The following ABCA4 variants were observed in gnomAD, a reference collection of about 807,000 sequenced individuals.
ABCA4 encodes the protein ATP binding cassette subfamily A member 4, also known as retinal-specific phospholipid-transporting ATPase ABCA4.
Under a neutral mutation model 263.7 loss-of-function variants are expected in ABCA4, and 196 were observed. The ratio of observed to expected loss-of-function variants is 0.74; its 90% CI spans 0.66 to 0.84. The LOEUF (loss-of-function observed/expected upper bound fraction) is 0.84. Ranked by LOEUF, ABCA4 falls within the 40% of genes least tolerant of loss-of-function variation. The probability of loss-of-function intolerance (pLI) is 0.00; values close to 1 mark genes in which losing one functional copy is unlikely to be tolerated. For missense variants in ABCA4, 2,792 were observed against 2,855.1 expected (o/e 0.98, Z 0.50); for synonymous variants, 1,133 against 1,094.2 (o/e 1.04, Z -0.70).
Position 94,001,895 on chromosome 1 carries a change from G to C in ABCA4, c.6245C>G (p.Ala2082Gly). The C allele has an allele frequency of 6.2e-7, 1 of 1,614,226 alleles. No homozygotes were observed. The highest frequency in any genetic ancestry group is 8.5e-7 in the Non-Finnish European group (1 of 1,180,048). Residue 2082 changes from alanine (A) to glycine (G), a missense_variant, in exon 45 of 50, where the codon GCC (alanine) becomes GGC (glycine). Physicochemically the swap from Ala to Gly is moderately conservative, Grantham distance 60. Coordinates refer to ENST00000370225, the MANE Select transcript of ABCA4 (RefSeq NM_000350.3). ...SGGNKRKLST[A>G]IALIGCPPLV... ...CGGTGGGCAGCCAATGAGTGCGATG[G>C]CTGTGGAGAGTTTCCGCTTGTTGCC...
chr1:94,003,926 C>T (rs931205573), intron 44 of ABCA4, among the ~76,000 whole-genome samples: 40 of 152,302 alleles, frequency 2.6e-4, no homozygotes, highest in Non-Finnish European at 5.1e-4. Flanking sequence ...GTGTGAGCCA[C>T]CATGCCCAGC....
At chr1:94,009,959 C>T (rs1245831268) in intron 40 of ABCA4, among the ~76,000 whole-genome samples, 1 of 152,244 alleles carries the variant, frequency 6.6e-6, no homozygotes, top group Non-Finnish European at 1.5e-5. Context: ...CGTGTGTTGA[C>T]ACCTGTGATC....
At chr1:94,107,880 A>C (rs760005516) in intron 4 of ABCA4, among the ~76,000 whole-genome samples, 8 of 152,016 alleles carry the variant, frequency 5.3e-5, no homozygotes, top group Admixed American at 5.2e-4. Context: ...CATGGCACCC[A>C]CTGAGACTTC....
intron 48 of ABCA4, 75 bp downstream of exon 48, chr1:93,997,786 T>C: frequency 6.3e-7 from 1 of 1,596,902 alleles, no homozygotes; most frequent in Non-Finnish European, 8.6e-7. Context: ...GCCTCCCTCT[T>C]ATGGCAATTC....
At chr1:94,016,696 ATAGG>A (rs1659756416) in intron 36 of ABCA4, among the ~76,000 whole-genome samples, 1 of 152,206 alleles carries the variant, frequency 6.6e-6, no homozygotes, top group Admixed American at 6.5e-5. Context: ...TGTTCACTGT[ATAGG>A]TAGATAGAGA....
At chr1:94,118,707 T>C (rs1197070043) in intron 1 of ABCA4, among the ~76,000 whole-genome samples, 1 of 151,898 alleles carries the variant, frequency 6.6e-6, no homozygotes, top group African/African-American at 2.4e-5. Flanking sequence ...CCCTGGGAGG[T>C]GCCCTGGCCA....
chr1:93,997,539 G>A (rs1206768389), intron 48 of ABCA4, among the ~76,000 whole-genome samples: 2 of 150,858 alleles, frequency 1.3e-5, no homozygotes, highest in Non-Finnish European at 2.9e-5. Flanking sequence ...CAAAGAACCT[G>A]TGTTTCATCG....
chr1:94,008,333 A>G, intron 41 of ABCA4, 36 bp from the exon 42 acceptor site: 1 of 1,603,650 alleles, frequency 6.2e-7, no homozygotes, highest in Non-Finnish European at 8.5e-7. Context: ...GAGAACTGAG[A>G]CAGGGTGAGA....
Position 94,024,986 on chromosome 1 carries a change from CA to C in ABCA4, c.4601del (p.Leu1534TrpfsTer2). ...TTATAAGAGCAGGATACGTTTTTAC[CA>C]AGAAGTCGGAGATGTTCCTGTCCGT... ...DLTDRNISDF[L>X]VKTYPALIRS... On this transcript the variant is annotated frameshift_variant, in exon 31 of 50. Coordinates refer to ENST00000370225, the MANE Select transcript of ABCA4 (RefSeq NM_000350.3). LOFTEE classifies it high-confidence loss of function. 5 of 1,614,134 alleles carry C rather than the reference CA, an allele frequency of 3.1e-6. No homozygotes were observed. The highest frequency in any genetic ancestry group is 4.2e-6 in the Non-Finnish European group (5 of 1,180,014).
At chr1:94,112,132 G>A (rs1213516874) in intron 2 of ABCA4, among the ~76,000 whole-genome samples, 1 of 152,174 alleles carries the variant, frequency 6.6e-6, no homozygotes, top group African/African-American at 2.4e-5. Flanking sequence ...AACGCTTGAG[G>A]CTTCCACATT....
intron 1 of ABCA4, among the ~76,000 whole-genome samples, chr1:94,116,968 C>CTT (rs764312285): frequency 0.02 from 2,046 of 100,038 alleles, 45 homozygotes; most frequent in East Asian, 0.087. Flanking sequence ...TTCTTTCTTT[C>CTT]TCTTTCTTTC....
At position 94,005,592 on chromosome 1, in the gene ABCA4, A is replaced by T. The variant is rs1325749214; in HGVS notation, c.6006-10T>A. The stretch of plus-strand genomic sequence containing the variant: ...AATATTGGTTAAAATACTGCAAGAA[A>T]AAAAGCAATTACTGAGTATCCTTCA... On this transcript the variant is annotated splice_polypyrimidine_tract_variant and intron_variant, in intron 43 of 49. Coordinates refer to ENST00000370225, the MANE Select transcript of ABCA4 (RefSeq NM_000350.3). The T allele has an allele frequency of 6.2e-7, 1 of 1,613,818 alleles. No individual in the cohort carries two copies. The highest frequency in any genetic ancestry group is 1.1e-5 in the South Asian group (1 of 91,074).
chr1:93,992,972 C>T lies in ABCA4; in HGVS notation c.*265G>A, dbSNP rs1163729918. On this transcript the variant is annotated 3_prime_UTR_variant, in exon 50 of 50. Transcript: ENST00000370225. ...GGCCAAAGCTGCTAGTGGGATGGCCCGGGGTTTCTAGTTCTGGGGTCTGGA... is the reference window on the plus strand; with the variant it reads ...GGCCAAAGCTGCTAGTGGGATGGCCTGGGGTTTCTAGTTCTGGGGTCTGGA... 8 of 541,628 alleles carry T rather than the reference C, an allele frequency of 1.5e-5. No homozygotes were observed. The highest frequency in any genetic ancestry group is 6.2e-5 in the East Asian group (2 of 32,066). The allele number at this position is 541,628 out of a possible 1,614,324, so 33.6% of individuals were successfully genotyped here.
chr1:94,065,277 G>C (rs568115709), intron 11 of ABCA4, among the ~76,000 whole-genome samples: 1 of 152,244 alleles, frequency 6.6e-6, no homozygotes, highest in East Asian at 1.9e-4. Context: ...TCCTCACTTG[G>C]CAGCCCCGGA....
chr1:94,048,747 CAGAG>C (rs1269200706), intron 18 of ABCA4, 117 bp downstream of exon 18: 45 of 930,312 alleles, frequency 4.8e-5, no homozygotes, highest in Non-Finnish European at 7.1e-5. Flanking sequence ...CACTTGTCCA[CAGAG>C]AGAGTCAGTT....
At chr1:94,120,283 G>T (rs1662913079) in intron 1 of ABCA4, among the ~76,000 whole-genome samples, 1 of 152,142 alleles carries the variant, frequency 6.6e-6, no homozygotes, top group African/African-American at 2.4e-5. Flanking sequence ...GTCCAGGGTG[G>T]AATCTGTGTC....
At chr1:94,078,565 C>CG in intron 10 of ABCA4, 25 bp downstream of exon 10, 1 of 934,102 alleles carries the variant, frequency 1.1e-6, no homozygotes, top group Non-Finnish European at 1.7e-6. Flanking sequence ...CTCCCCTCCC[C>CG]TCCCCATCCT....
At position 94,113,134 on chromosome 1, in the gene ABCA4, G is replaced by A. The variant is rs868221872; in HGVS notation, c.67-68C>T. The A allele has an allele frequency of 1.5e-5, 21 of 1,431,346 alleles. No homozygotes were observed. In the Middle Eastern group the frequency reaches 5.2e-4, roughly 36 times the overall value. The allele number at this position is 1,431,346 out of a possible 1,614,324, so 88.7% of individuals were successfully genotyped here. A position where few individuals can be genotyped will look rare whatever the true frequency, so the allele number is the denominator to read the frequency against. On this transcript the variant is annotated intron_variant, in intron 1 of 49. Coordinates refer to ENST00000370225, the MANE Select transcript of ABCA4 (RefSeq NM_000350.3). ...AGAGATTATAGAAAACGTAACCAGAGCAGACACAGCCCTCCTCAGATCCCA... is the reference window on the plus strand; with the variant it reads ...AGAGATTATAGAAAACGTAACCAGAACAGACACAGCCCTCCTCAGATCCCA...
chr1:94,072,875 T>A (rs1333040350), intron 11 of ABCA4, among the ~76,000 whole-genome samples: 1 of 152,118 alleles, frequency 6.6e-6, no homozygotes, highest in East Asian at 1.9e-4. Flanking sequence ...AAAGACAGAA[T>A]GTATTTATGG....
Sources: gnomAD v4.1 joint callset for allele counts (sites outside exome capture counted in the v4.1 genomes callset) on GRCh38, gnomAD v4.1.1 for gene constraint, MANE v1.5 for transcripts, NCBI Gene and HGNC (gene_info 2026-07-23, HGNC 2026-07-21) for gene names.